The following GPN1 variants were observed in gnomAD, a reference collection of about 807,000 sequenced individuals.
GPN1 encodes ATP(GTP)-binding protein.
A neutral mutation model predicts 55.9 loss-of-function variants in GPN1; 44 were observed. The observed-to-expected ratio is 0.79, with a 90% confidence interval of 0.62 to 1.01. The LOEUF is 1.01. Among genes scored for constraint, GPN1 ranks in the 50% least tolerant of loss-of-function variants. GPN1 has a pLI of 0.00. For synonymous variants in GPN1, 179 were observed against 162.5 expected, an observed-to-expected ratio of 1.10 and a Z score of -0.77; for missense variants, 466 against 462.8, an observed-to-expected ratio of 1.01 and a Z score of -0.06.
At chr2:27,649,735 T>G (rs1674435168) in intron 13 of GPN1, among the ~76,000 whole-genome samples, 2 of 152,270 alleles carry the variant, frequency 1.3e-5, no homozygotes, top group African/African-American at 4.8e-5. Flanking sequence ...ATTCCATTAT[T>G]GTGGATGTTC....
chr2:27,631,830 C>A lies in GPN1; in HGVS notation c.246-4C>A. ...GCGATTTCAGTCCTCAACTTGGTGT[C>A]TAGATATGGACTTGGACCCAATGGC... On this transcript the variant is annotated splice_polypyrimidine_tract_variant and splice_region_variant and intron_variant, in intron 3 of 13. Transcript: ENST00000610189. 1 of 1,568,836 alleles carries A rather than the reference C, an allele frequency of 6.4e-7. No individual in the cohort carries two copies. The highest frequency in any genetic ancestry group is 8.8e-7 in the Non-Finnish European group (1 of 1,138,566).
chr2:27,649,041 C>T lies in GPN1; in HGVS notation c.1040-1074C>T, dbSNP rs574126060. ...GGCGGATCACCTGAGGCCAGGAGTT[C>T]AAGACCAGCCTGACCAACATGGTGA... On this transcript the variant is annotated intron_variant, in intron 13 of 13. Transcript: ENST00000610189. Among the ~76,000 whole-genome samples the T allele has an allele frequency of 4.0e-3, 604 of 151,730 alleles. 3 individuals carry two copies. Among genetic ancestry groups the T allele is most frequent in the South Asian group, 0.013 (63 of 4,812 alleles).
chr2:27,629,745 T>G, intron 1 of GPN1, 114 bp from the exon 2 acceptor site: 1 of 682,712 alleles, frequency 1.5e-6, no homozygotes, highest in Non-Finnish European at 2.7e-6. Context: ...GGTGGATATT[T>G]CAGGTAGAAG....
Position 27,650,172 on chromosome 2 carries a change from CA to C in GPN1, c.1098del (p.Gln367AsnfsTer12). On this transcript the variant is annotated frameshift_variant, in exon 14 of 14. Coordinates refer to ENST00000610189, the MANE Select transcript of GPN1 (RefSeq NM_007266.4). LOFTEE classifies it high-confidence loss of function. Reference protein sequence around the residue: ...AFQNFMQESMAQYWKRNNK With the variant: ...AFQNFMQESMXQYWKRNNK ...CAGAATTTTATGCAAGAATCGATGG[CA>C]CAATACTGGAAGAGAAACAATAAAT... 1 of 1,601,506 alleles carries C rather than the reference CA, an allele frequency of 6.2e-7. No individual in the cohort carries two copies. Among genetic ancestry groups the C allele is most frequent in the Non-Finnish European group, 8.6e-7 (1 of 1,168,708 alleles).
At position 27,638,250 on chromosome 2, in the gene GPN1, A is replaced by C. The variant is rs775994531; in HGVS notation, c.565A>C (p.Asn189His). ...KTKLPFIVVM[N>H]KTDIIDHSFA... is the part of the protein sequence containing the mutation. ...CAAGCTGCCTTTCATTGTGGTCATG[A>C]ATAAAGTAAGTGTATTCTTCCTGTT... is the stretch of plus-strand genomic sequence containing the variant. Residue 189 changes from asparagine to histidine, a missense_variant, in exon 8 of 14, where the codon AAT becomes CAT. Coordinates refer to ENST00000610189, the MANE Select transcript of GPN1 (RefSeq NM_007266.4). The C allele has an allele frequency of 3.2e-6, 5 of 1,545,750 alleles. No individual in the cohort carries two copies. In the South Asian group the frequency reaches 5.6e-5, roughly 17 times the overall value.
At chr2:27,642,998 CATAT>C (rs1362776652) in intron 12 of GPN1, among the ~76,000 whole-genome samples, 1 of 150,150 alleles carries the variant, frequency 6.7e-6, no homozygotes, top group African/African-American at 2.5e-5. Context: ...CACACACATA[CATAT>C]GCATACATAT....
At chr2:27,644,810 A>G (rs1474216422) in intron 12 of GPN1, among the ~76,000 whole-genome samples, 1 of 148,498 alleles carries the variant, frequency 6.7e-6, no homozygotes, top group Non-Finnish European at 1.5e-5. Flanking sequence ...CAGCCTGCCA[A>G]CTAGTTTGGA....
chr2:27,641,154 C>A (rs1289272988), intron 10 of GPN1, 86 bp from the exon 11 acceptor site: 1 of 856,248 alleles, frequency 1.2e-6, no homozygotes. Context: ...TATTGTCAGT[C>A]TTAGGAAAAT....
At chr2:27,648,917 A>G (rs1674373191) in intron 13 of GPN1, among the ~76,000 whole-genome samples, 2 of 150,722 alleles carry the variant, frequency 1.3e-5, no homozygotes, top group Admixed American at 6.6e-5. Context: ...GATTACAGGC[A>G]TGAGCCACCA....
intron 1 of GPN1, 104 bp downstream of exon 1, chr2:27,629,273 G>A: frequency 5.4e-6 from 8 of 1,483,464 alleles, no homozygotes; most frequent in Non-Finnish European, 7.4e-6. Context: ...GGGTACCGGC[G>A]CATGGCTTTC....
At position 27,645,701 on chromosome 2, in the gene GPN1, T is replaced by A. The variant is rs1310731339; in HGVS notation, c.932-2135T>A. Reference sequence around the variant, plus strand: ...TGACCAAGAGTTTTTGCCTGTTTCTTTTTAATTTTTTTTTTTTAAAACAAA... The same window carrying A: ...TGACCAAGAGTTTTTGCCTGTTTCTATTTAATTTTTTTTTTTTAAAACAAA... On this transcript the variant is annotated intron_variant, in intron 12 of 13. Coordinates refer to ENST00000610189, the MANE Select transcript of GPN1 (RefSeq NM_007266.4). Among the ~76,000 whole-genome samples, 4 of 151,422 alleles carry A rather than the reference T, an allele frequency of 2.6e-5. No individual in the cohort carries two copies. The East Asian group carries it at 7.7e-4, about 29-fold the overall frequency.
Position 27,650,205 on chromosome 2 carries a change from CTT to C in GPN1, c.*7_*8del, listed in dbSNP as rs752373857. The C allele has an allele frequency of 6.6e-7, 1 of 1,507,980 alleles. No individual in the cohort carries two copies. The highest frequency in any genetic ancestry group is 1.1e-5 in the South Asian group (1 of 88,734). 93.4% of individuals were successfully genotyped at this position (1,507,980 alleles called of 1,614,324 possible). Reference sequence around the variant, plus strand: ...TGGAAGAGAAACAATAAATAGGAGACTTTAGCACACTTCACTTGTTTCTAGAA... The same window carrying C: ...TGGAAGAGAAACAATAAATAGGAGACTAGCACACTTCACTTGTTTCTAGAA... On this transcript the variant is annotated 3_prime_UTR_variant, in exon 14 of 14. Coordinates refer to ENST00000610189, the MANE Select transcript of GPN1 (RefSeq NM_007266.4).
intron 12 of GPN1, among the ~76,000 whole-genome samples, chr2:27,646,197 A>G (rs941322886): frequency 1.3e-5 from 2 of 151,760 alleles, no homozygotes; most frequent in African/African-American, 4.8e-5. Flanking sequence ...ACATGCCACC[A>G]CGCCCAGCTA....
At chr2:27,631,252 C>A in intron 3 of GPN1, 186 bp downstream of exon 3, 1 of 590,140 alleles carries the variant, frequency 1.7e-6, no homozygotes. Context: ...TTCTTACCAT[C>A]TCCCCAGATG....
intron 12 of GPN1, among the ~76,000 whole-genome samples, chr2:27,644,112 T>A (rs547651815): frequency 6.6e-6 from 1 of 152,256 alleles, no homozygotes; most frequent in Admixed American, 6.5e-5. Context: ...GAGGCAGAAG[T>A]TGCAGTGAGC....
At chr2:27,634,555 G>C (rs1242893858) in intron 5 of GPN1, among the ~76,000 whole-genome samples, 1 of 152,144 alleles carries the variant, frequency 6.6e-6, no homozygotes, top group Non-Finnish European at 1.5e-5. Context: ...TTTACATTCT[G>C]GTTTTGTGTC....
chr2:27,629,706 A>C (rs1467079425), intron 1 of GPN1, among the ~76,000 whole-genome samples, 153 bp from the exon 2 acceptor site: 1 of 152,188 alleles, frequency 6.6e-6, no homozygotes, highest in Non-Finnish European at 1.5e-5. Context: ...TAGCATTTGA[A>C]CTGAGAGTTG....
chr2:27,640,435 C>T (rs1045261300), intron 10 of GPN1, among the ~76,000 whole-genome samples: 5 of 152,188 alleles, frequency 3.3e-5, no homozygotes, highest in Non-Finnish European at 7.3e-5. Flanking sequence ...CAACTGCTCA[C>T]GTCTGCCATT....
chr2:27,629,970 A>C lies in GPN1; in HGVS notation c.205+18A>C. On this transcript the variant is annotated intron_variant, in intron 2 of 13. Transcript: ENST00000610189. ...CAATATTGGTGAGTAAACCAGTAAC[A>C]TAACTTGTGTGCAGTGCTTTAAAGA... 5.2e-6 allele frequency: 7 copies of C among 1,340,632 alleles called. No homozygotes were observed. Among genetic ancestry groups the C allele is most frequent in the African/African-American group, 1.4e-5 (1 of 69,926 alleles). The allele number at this position is 1,340,632 out of a possible 1,614,324, so 83.0% of individuals were successfully genotyped here.
Sources: gnomAD v4.1 joint callset for allele counts (sites outside exome capture counted in the v4.1 genomes callset) on GRCh38, gnomAD v4.1.1 for gene constraint, MANE v1.5 for transcripts, NCBI Gene and HGNC (gene_info 2026-07-23, HGNC 2026-07-21) for gene names.